ANO2: variants seen among roughly 807,000 people sequenced by gnomAD.
The protein encoded by ANO2 is anoctamin 2, also known as anoctamin-2.
In ANO2, 101 loss-of-function variants were observed where a neutral mutation model predicts 124.2. The observed-to-expected ratio is 0.81, with a 90% confidence interval of 0.69 to 0.96. ANO2 has a LOEUF of 0.96. ANO2 is among the 40% of genes least tolerant of loss of function. ANO2 has a pLI of 0.00. For missense variants in ANO2, 1,293 were observed against 1,274.5 expected, an observed-to-expected ratio of 1.01 and a Z score of -0.22; for synonymous variants, 486 against 482.5, an observed-to-expected ratio of 1.01 and a Z score of -0.09.
chr12:5,934,151 A>T (rs1454118652), intron 1 of ANO2, among the ~76,000 whole-genome samples: 2 of 152,214 alleles, frequency 1.3e-5, no homozygotes, highest in African/African-American at 4.8e-5. Context: ...CAATTTATGT[A>T]ATCTTCACGA....
rs1952571502 is a variant in ANO2, at chr12:5,787,482, C to T, written c.1055+12025G>A. Among the ~76,000 whole-genome samples the T allele has an allele frequency of 2.0e-5, 3 of 152,138 alleles. No homozygotes were observed. Among genetic ancestry groups the T allele is most frequent in the Admixed American group, 2.0e-4 (3 of 15,282 alleles). On this transcript the variant is annotated intron_variant, in intron 10 of 24. Coordinates refer to ENST00000682330, the MANE Select transcript of ANO2 (RefSeq NM_001364791.2). The surrounding 1 kb of genome is among the most constrained non-coding windows in gnomAD (Gnocchi z 4.2). ...AGAAGCCAGACTCAGGAGTTCAGAT[C>T]CTACCTCTCTCACCAACCTTGTGAC...
chr12:5,841,112 G>A (rs1032550480), intron 4 of ANO2, among the ~76,000 whole-genome samples: 4 of 152,336 alleles, frequency 2.6e-5, no homozygotes, highest in South Asian at 2.1e-4. Flanking sequence ...ACAGGCACAC[G>A]CTGAGCCAGG....
chr12:5,792,694 G>A (rs2137152007), intron 10 of ANO2, among the ~76,000 whole-genome samples: 1 of 152,254 alleles, frequency 6.6e-6, no homozygotes, highest in East Asian at 1.9e-4. Context: ...TTTCCCTCGT[G>A]ATCTTTTCCA....
At chr12:5,677,304 C>T (rs148082133) in intron 14 of ANO2, among the ~76,000 whole-genome samples, 2 of 152,240 alleles carry the variant, frequency 1.3e-5, no homozygotes, top group African/African-American at 2.4e-5. Flanking sequence ...CAGTGTCAAG[C>T]CACTTACTAT....
At chr12:5,911,490 C>T (rs1286400046) in intron 3 of ANO2, among the ~76,000 whole-genome samples, 2 of 152,228 alleles carry the variant, frequency 1.3e-5, no homozygotes, top group Non-Finnish European at 1.5e-5. Flanking sequence ...TAGAAACCAA[C>T]TGTCCCCCGA....
chr12:5,688,107 G>C (rs953817878), intron 14 of ANO2, among the ~76,000 whole-genome samples: 2 of 152,148 alleles, frequency 1.3e-5, no homozygotes, highest in African/African-American at 2.4e-5. Flanking sequence ...AAGACCTTGT[G>C]GGGGGAACAG....
intron 10 of ANO2, among the ~76,000 whole-genome samples, chr12:5,773,141 A>G (rs1267702408): frequency 6.6e-6 from 1 of 152,252 alleles, no homozygotes; most frequent in Admixed American, 6.5e-5. Context: ...CCCATGCACC[A>G]GCTCCGGCTA....
At chr12:5,814,189 G>A (rs73255126) in intron 7 of ANO2, among the ~76,000 whole-genome samples, 2,613 of 152,336 alleles carry the variant, frequency 0.017, 69 homozygotes, top group African/African-American at 0.057. Flanking sequence ...TGCAGGTCTA[G>A]GGATGATAAG....
intron 4 of ANO2, among the ~76,000 whole-genome samples, chr12:5,833,148 T>A (rs1400634400): frequency 2.0e-5 from 3 of 152,232 alleles, no homozygotes; most frequent in Non-Finnish European, 2.9e-5. Flanking sequence ...GTTCTTTATG[T>A]TTTTCTTAGG....
intron 10 of ANO2, among the ~76,000 whole-genome samples, chr12:5,778,825 A>C (rs1367558755): frequency 6.6e-6 from 1 of 152,246 alleles, no homozygotes; most frequent in African/African-American, 2.4e-5. Context: ...CAGTAGGATC[A>C]ATTGTAAATT....
At chr12:5,591,826 C>T (rs1165450005) in intron 20 of ANO2, among the ~76,000 whole-genome samples, 1 of 152,156 alleles carries the variant, frequency 6.6e-6, no homozygotes, top group Non-Finnish European at 1.5e-5. Flanking sequence ...GTCTCTGTGT[C>T]CCCAGTGCCT....
At chr12:5,771,313 G>C (rs1482952252) in intron 10 of ANO2, among the ~76,000 whole-genome samples, 2 of 152,120 alleles carry the variant, frequency 1.3e-5, no homozygotes, top group African/African-American at 2.4e-5. Context: ...CACAGCTAAT[G>C]AGAAGAATTC....
chr12:5,814,180 G>A (rs1447303785), intron 7 of ANO2, among the ~76,000 whole-genome samples: 1 of 152,168 alleles, frequency 6.6e-6, no homozygotes, highest in Non-Finnish European at 1.5e-5. Context: ...CTATCTTTCT[G>A]CAGGTCTAGG....
At chr12:5,712,419 A>G (rs1279032919) in intron 14 of ANO2, among the ~76,000 whole-genome samples, 1 of 152,226 alleles carries the variant, frequency 6.6e-6, no homozygotes, top group Non-Finnish European at 1.5e-5. Context: ...AGACAGATAC[A>G]GGAGAGAGCC....
At chr12:5,622,506 C>T (rs993565485) in intron 16 of ANO2, among the ~76,000 whole-genome samples, 7 of 152,108 alleles carry the variant, frequency 4.6e-5, no homozygotes, top group Admixed American at 1.3e-4. Context: ...TGTGCTTGGC[C>T]GAGACTTCTG....
At chr12:5,740,330 T>A (rs192450594) in intron 12 of ANO2, 2 of 187,628 alleles carry the variant, frequency 1.1e-5, no homozygotes, top group East Asian at 2.8e-4. Context: ...CCAAGAGGCC[T>A]GGTTATATTT....
At chr12:5,922,216 T>C (rs1214196330) in intron 2 of ANO2, among the ~76,000 whole-genome samples, 3 of 152,228 alleles carry the variant, frequency 2.0e-5, no homozygotes, top group Non-Finnish European at 2.9e-5. Flanking sequence ...TGTTTCCCTG[T>C]TTATTACTGG....
At chr12:5,870,927 A>G (rs1937652804) in intron 3 of ANO2, among the ~76,000 whole-genome samples, 1 of 152,272 alleles carries the variant, frequency 6.6e-6, no homozygotes, top group Non-Finnish European at 1.5e-5. Flanking sequence ...TTTATATTCA[A>G]TAGCATATTT....
chr12:5,727,377 A>G (rs1304246098), intron 14 of ANO2, among the ~76,000 whole-genome samples: 1 of 152,122 alleles, frequency 6.6e-6, no homozygotes, highest in Non-Finnish European at 1.5e-5. Flanking sequence ...TACCAGCACC[A>G]TGCCTTTTCT....
Sources: allele counts gnomAD v4.1 joint callset (sites outside exome capture counted in the v4.1 genomes callset), GRCh38; gene constraint gnomAD v4.1.1; non-coding constraint Gnocchi (gnomAD v3.1); transcripts MANE v1.5; gene names NCBI Gene and HGNC (gene_info 2026-07-23, HGNC 2026-07-21).